Variants in MEP1B observed in about 807,000 individuals in gnomAD.
The protein encoded by MEP1B is N-benzoyl-L-tyrosyl-P-amino-benzoic acid hydrolase subunit beta.
MEP1B carries 80 observed loss-of-function variants against 84.6 expected under a neutral mutation model. The ratio of observed to expected loss-of-function variants is 0.95; its 90% confidence interval spans 0.79 to 1.14. MEP1B has a LOEUF of 1.14. Among genes scored for constraint, MEP1B ranks in the 50% most tolerant of loss-of-function variants. The probability of loss-of-function intolerance (pLI) is 0.00; values close to 1 mark genes in which losing one functional copy is unlikely to be tolerated. For missense variants in MEP1B, 766 were observed against 855.1 expected, an observed-to-expected ratio of 0.90 and a Z score of 1.30; for synonymous variants, 273 against 288.1, an observed-to-expected ratio of 0.95 and a Z score of 0.53.
In MEP1B at chr18:32,217,077, G is replaced by A; in HGVS notation, c.1846G>A (p.Asp616Asn). Residue 616 changes from aspartate to asparagine, a missense_variant, in exon 13 of 15, where the codon GAC (aspartate) becomes AAC (asparagine). Asp to Asn is a conservative substitution (Grantham distance 23). Coordinates refer to ENST00000269202, the MANE Select transcript of MEP1B (RefSeq NM_005925.3). ...DLCSKTTCKN[D>N]GVCTVRDGKA... Reference sequence around the variant, plus strand: ...CTGCTCAAAAACCACCTGTAAAAATGACGGTGTCTGCACTGTTCGAGATGG... The same window carrying A: ...CTGCTCAAAAACCACCTGTAAAAATAACGGTGTCTGCACTGTTCGAGATGG... The A allele has an allele frequency of 1.9e-6, 3 of 1,613,896 alleles. No homozygotes were observed. Among genetic ancestry groups the A allele is most frequent in the Non-Finnish European group, 2.5e-6 (3 of 1,179,862 alleles).
intron 6 of MEP1B, 99 bp from the exon 7 acceptor site, chr18:32,204,083 A>G: frequency 1.0e-6 from 1 of 963,206 alleles, no homozygotes; most frequent in Non-Finnish European, 1.6e-6. Flanking sequence ...AAGGTGGGTA[A>G]TGAAGTGGGT....
At chr18:32,219,010 A>C (rs2041123407) in intron 14 of MEP1B, among the ~76,000 whole-genome samples, 1 of 152,242 alleles carries the variant, frequency 6.6e-6, no homozygotes, top group African/African-American at 2.4e-5. Context: ...TTAAAAGTGA[A>C]GCCCTAAAAT....
intron 12 of MEP1B, 131 bp from the exon 13 acceptor site, chr18:32,216,860 C>T: frequency 9.1e-7 from 1 of 1,098,252 alleles, no homozygotes; most frequent in Non-Finnish European, 1.3e-6. Context: ...ATTGCAAGAT[C>T]TCACCTCTAA....
In MEP1B at chr18:32,213,352, G is replaced by A. The variant is rs1435509331; in HGVS notation, c.1372G>A (p.Gly458Ser). ...TAGCCCTCCATTTTACTCTTCTAAA[G>A]GTTATGCCTTTCAGATTTACTTAAA... ...LYSPPFYSSK[G>S]YAFQIYLNLA... The change falls in exon 11 of 15, where the codon GGT becomes AGT. Residue 458 changes from glycine (G) to serine (S), a missense_variant. Physicochemically the swap from Gly to Ser is moderately conservative, Grantham distance 56. Coordinates refer to ENST00000269202, the MANE Select transcript of MEP1B (RefSeq NM_005925.3). 3.1e-6 allele frequency: 5 copies of A among 1,613,716 alleles called. No individual in the cohort carries two copies. In the African/African-American group the frequency reaches 6.7e-5, roughly 22 times the overall value.
chr18:32,195,241 T>C (rs1162375517), intron 4 of MEP1B, among the ~76,000 whole-genome samples, 166 bp from the exon 5 acceptor site: 2 of 149,896 alleles, frequency 1.3e-5, no homozygotes, highest in Non-Finnish European at 2.9e-5. Flanking sequence ...GAAACTTTGT[T>C]ATATTATGAT....
At chr18:32,219,382 T>TA (rs2041126419) in intron 14 of MEP1B, among the ~76,000 whole-genome samples, 1 of 152,214 alleles carries the variant, frequency 6.6e-6, no homozygotes, top group African/African-American at 2.4e-5. Flanking sequence ...ATTTAAAATA[T>TA]AAACAGGTTG....
intron 5 of MEP1B, among the ~76,000 whole-genome samples, chr18:32,197,669 C>A (rs1410636212): frequency 6.6e-6 from 1 of 152,196 alleles, no homozygotes; most frequent in Non-Finnish European, 1.5e-5. Context: ...ATCTGCCTGC[C>A]TTGGCTTCCC....
chr18:32,220,106 G>T, intron 14 of MEP1B, 125 bp from the exon 15 acceptor site: 1 of 832,212 alleles, frequency 1.2e-6, no homozygotes, highest in Non-Finnish European at 1.9e-6. Flanking sequence ...TTGCCAGCTA[G>T]GAGGGAGGCC....
chr18:32,217,568 A>G (rs1033908931), intron 13 of MEP1B, among the ~76,000 whole-genome samples, 193 bp from the exon 14 acceptor site: 1 of 151,846 alleles, frequency 6.6e-6, no homozygotes, highest in Non-Finnish European at 1.5e-5. Context: ...GAGGAATTCC[A>G]TTTTTTCTTT....
intron 5 of MEP1B, among the ~76,000 whole-genome samples, chr18:32,201,874 G>C (rs2040916219): frequency 6.6e-6 from 1 of 152,196 alleles, no homozygotes; most frequent in South Asian, 2.1e-4. Flanking sequence ...GGCATACCAA[G>C]TAATCTTCCT....
At chr18:32,213,613 C>A in intron 11 of MEP1B, 54 bp downstream of exon 11, 1 of 1,396,522 alleles carries the variant, frequency 7.2e-7, no homozygotes, top group Non-Finnish European at 1.0e-6. Context: ...CTAGGAGGGA[C>A]TGATAATTTT....
chr18:32,213,168 G>A lies in MEP1B; in HGVS notation c.1188G>A (p.Lys396=). Residue 396 remains lysine (K), a synonymous_variant, in exon 11 of 15, where the codon AAG becomes AAA. Transcript: ENST00000269202. ...ATCATGTAACATTGAAAGTGACCAA[G>A]AAGTTTAGAGTGGTGTTTGAAGGAC... is the stretch of plus-strand genomic sequence containing the variant. The part of the protein sequence containing the change: ...QLYHVTLKVT[K]KFRVVFEGRK... 2 of 1,614,008 alleles carry A rather than the reference G, an allele frequency of 1.2e-6. No homozygotes were observed. Among genetic ancestry groups the A allele is most frequent in the Admixed American group, 1.7e-5 (1 of 60,030 alleles).
Position 32,213,406 on chromosome 18 carries a change from T to C in MEP1B, c.1426T>C (p.Tyr476His), listed in dbSNP as rs752909315. 2.5e-6 allele frequency: 4 copies of C among 1,613,942 alleles called. No homozygotes were observed. The South Asian group carries it at 4.4e-5, about 18-fold the overall frequency. ...AGCCCATGTGACTAATGCAGGGATA[T>C]ATTTCCACTTGATCTCTGGAGCCAA... is the stretch of plus-strand genomic sequence containing the variant. Reference protein sequence around the residue: ...NLAHVTNAGIYFHLISGANDD... With the variant: ...NLAHVTNAGIHFHLISGANDD... The change falls in exon 11 of 15, where the codon TAT (tyrosine) becomes CAT (histidine). Residue 476 changes from tyrosine (Y) to histidine (H), a missense_variant. Physicochemically the swap from Tyr to His is moderately conservative, Grantham distance 83 (BLOSUM62 2). Transcript: ENST00000269202.
At chr18:32,202,179 G>A (rs2040919022) in intron 5 of MEP1B, among the ~76,000 whole-genome samples, 1 of 152,138 alleles carries the variant, frequency 6.6e-6, no homozygotes, top group Non-Finnish European at 1.5e-5. Context: ...CTCCTGGCAG[G>A]CTCCCATCTT....
chr18:32,193,461 C>G (rs534263007), intron 4 of MEP1B, among the ~76,000 whole-genome samples: 1 of 151,936 alleles, frequency 6.6e-6, no homozygotes, highest in African/African-American at 2.4e-5. Flanking sequence ...TTATTGCCCA[C>G]TAGATTGAAA....
At position 32,191,920 on chromosome 18, in the gene MEP1B, A is replaced by G; in HGVS notation, c.82+80A>G. The G allele has an allele frequency of 2.4e-6, 2 of 835,008 alleles. 1 individual carries two copies. The highest frequency in any genetic ancestry group is 3.8e-6 in the Non-Finnish European group (2 of 520,130). The allele number at this position is 835,008 out of a possible 1,614,324, so 51.7% of individuals were successfully genotyped here. The stretch of plus-strand genomic sequence containing the variant: ...TGCTAAACATCATACATAATTACAT[A>G]TGCATAATTGATGCATAATTGCATT... On this transcript the variant is annotated intron_variant, in intron 2 of 14. Transcript: ENST00000269202.
chr18:32,197,302 A>G (rs1156734611), intron 5 of MEP1B, among the ~76,000 whole-genome samples: 1 of 152,210 alleles, frequency 6.6e-6, no homozygotes, highest in Non-Finnish European at 1.5e-5. Context: ...ACTAGTGGCA[A>G]TGATGCCACT....
intron 7 of MEP1B, among the ~76,000 whole-genome samples, chr18:32,205,651 T>C (rs957767326): frequency 6.6e-6 from 1 of 152,238 alleles, no homozygotes; most frequent in African/African-American, 2.4e-5. Flanking sequence ...TCTTTATGTT[T>C]TGGAGATCAG....
Position 32,195,029 on chromosome 18 carries a change from T to A in MEP1B, c.172-378T>A, listed in dbSNP as rs2040838470. 2.6e-5 allele frequency among the ~76,000 whole-genome samples: 4 copies of A among 152,218 alleles called. No individual in the cohort carries two copies. The South Asian group carries it at 8.3e-4, about 31-fold the overall frequency. On this transcript the variant is annotated intron_variant, in intron 4 of 14. Coordinates refer to ENST00000269202, the MANE Select transcript of MEP1B (RefSeq NM_005925.3). The stretch of plus-strand genomic sequence containing the variant: ...TTTGAAAACTTTGGCCCAGCTCATG[T>A]GTGACTTTTTCTGATATTGTGAGAT...
Sources: gnomAD v4.1 joint callset for allele counts (sites outside exome capture counted in the v4.1 genomes callset) on GRCh38, gnomAD v4.1.1 for gene constraint, MANE v1.5 for transcripts, NCBI Gene and HGNC (gene_info 2026-07-23, HGNC 2026-07-21) for gene names.